The following SLC2A14 variants were observed in gnomAD, a reference collection of about 807,000 sequenced individuals.
SLC2A14 encodes the protein solute carrier family 2, facilitated glucose transporter member 14.
SLC2A14 carries 13 observed loss-of-function variants against 43.0 expected under a neutral mutation model. The ratio of observed to expected loss-of-function variants is 0.30; its 90% CI spans 0.20 to 0.48. The LOEUF (loss-of-function observed/expected upper bound fraction) is 0.48. Ranked by LOEUF, SLC2A14 falls within the 20% of genes least tolerant of loss-of-function variation. SLC2A14 has a pLI of 0.99. For missense variants in SLC2A14, 428 were observed against 620.4 expected, an observed-to-expected ratio of 0.69 and a Z score of 3.29; for synonymous variants, 190 against 233.8, an observed-to-expected ratio of 0.81 and a Z score of 1.71.
chr12:7,823,994 G>A (rs1425701236), intron 7 of SLC2A14, among the ~76,000 whole-genome samples: 1 of 152,100 alleles, frequency 6.6e-6, no homozygotes, highest in African/African-American at 2.4e-5. Flanking sequence ...AGTTGCTCAC[G>A]ACTGTAATCC....
intron 2 of SLC2A14, among the ~76,000 whole-genome samples, chr12:7,834,564 A>C (rs1592197999): frequency 2.1e-4 from 1 of 4,714 alleles, no homozygotes; most frequent in Non-Finnish European, 5.2e-3. Context: ...CTTCTCTATC[A>C]AAAAAAAAAA....
intron 5 of SLC2A14, among the ~76,000 whole-genome samples, chr12:7,829,420 C>T (rs1287753432): frequency 1.3e-5 from 2 of 151,660 alleles, no homozygotes; most frequent in South Asian, 2.1e-4. Flanking sequence ...ATTAGCTGGA[C>T]GTGGTGGTGC....
chr12:7,860,721 T>C (rs1944501358), intron 2 of SLC2A14: 1 of 152,896 alleles, frequency 6.5e-6, no homozygotes, highest in African/African-American at 2.4e-5. Context: ...CCTTCTGAGG[T>C]TGTTAAACAG....
At chr12:7,824,204 C>T (rs190185260) in intron 7 of SLC2A14, among the ~76,000 whole-genome samples, 25 of 151,974 alleles carry the variant, frequency 1.6e-4, no homozygotes, top group Admixed American at 1.6e-3. Context: ...TGCAGTGAGC[C>T]GAGATCGAGC....
chr12:7,836,021 C>G (rs753855749), intron 2 of SLC2A14, among the ~76,000 whole-genome samples: 5 of 152,146 alleles, frequency 3.3e-5, no homozygotes, highest in African/African-American at 9.7e-5. Context: ...AGCTCTCAGG[C>G]CTGTCCCACT....
At chr12:7,882,175 C>A (rs1379631871) in intron 1 of SLC2A14, among the ~76,000 whole-genome samples, 1 of 151,982 alleles carries the variant, frequency 6.6e-6, no homozygotes, top group Admixed American at 6.6e-5. Context: ...TAACACTCAC[C>A]GTGAAAGTCT....
At chr12:7,885,276 C>T (rs1350219697) in intron 1 of SLC2A14, among the ~76,000 whole-genome samples, 6 of 152,126 alleles carry the variant, frequency 3.9e-5, no homozygotes, top group African/African-American at 7.2e-5. Context: ...ACCAGCCTGG[C>T]CAACATGGCA....
chr12:7,818,485 AC>A (rs1284502416), intron 9 of SLC2A14, among the ~76,000 whole-genome samples: 1 of 152,030 alleles, frequency 6.6e-6, no homozygotes, highest in Admixed American at 6.6e-5. Context: ...ACATGGTGAA[AC>A]CCTGTCTCTA....
At chr12:7,824,361 CAATA>C (rs771991676) in intron 7 of SLC2A14, among the ~76,000 whole-genome samples, 124 of 152,200 alleles carry the variant, frequency 8.1e-4, no homozygotes, top group Middle Eastern at 3.4e-3. Context: ...TTTAAACAAG[CAATA>C]AATAGTTATC....
intron 2 of SLC2A14, among the ~76,000 whole-genome samples, chr12:7,862,003 G>A (rs1944590469): frequency 6.8e-6 from 1 of 146,006 alleles, no homozygotes; most frequent in Non-Finnish European, 1.5e-5. Context: ...TGGTGACTCA[G>A]GTCTGCAATC....
intron 1 of SLC2A14, among the ~76,000 whole-genome samples, chr12:7,883,266 T>TC (rs200209561): frequency 6.6e-4 from 27 of 40,938 alleles, no homozygotes; most frequent in Admixed American, 1.4e-3. Context: ...TTTCTTTCTT[T>TC]TTTTTTTTTT....
rs11055941 is a variant in SLC2A14 at position 7,814,250 on chromosome 12, A to G, written c.*66T>C. ...AGCAGTCCTGGGTTCATCCTGATAA[A>G]GTCTCTCCCTTGTTGAGGGAGAGGT... On this transcript the variant is annotated 3_prime_UTR_variant, in exon 11 of 11. Coordinates refer to ENST00000431042, the MANE Select transcript of SLC2A14 (RefSeq NM_001286234.2). The G allele has an allele frequency of 0.096, 128,566 of 1,337,666 alleles. 22,236 individuals are homozygous for G. Among genetic ancestry groups the G allele is most frequent in the Admixed American group, 0.18 (8,039 of 44,138 alleles). 82.9% of individuals were successfully genotyped at this position (1,337,666 alleles called of 1,614,324 possible). A position where few individuals can be genotyped will look rare whatever the true frequency, so the allele number is the denominator to read the frequency against.
intron 2 of SLC2A14, among the ~76,000 whole-genome samples, chr12:7,858,476 T>C (rs1360611091): frequency 1.3e-5 from 2 of 152,178 alleles, no homozygotes; most frequent in African/African-American, 4.8e-5. Context: ...TGGGTATCCT[T>C]TGAAACACAA....
At chr12:7,874,702 ATATAAATATG>A (rs1371427079), upstream of SLC2A14, among the ~76,000 whole-genome samples, 1 of 143,754 alleles carries the variant, frequency 7.0e-6, no homozygotes, top group Non-Finnish European at 1.5e-5. Context: ...ATATAAATAT[ATATAAATATG>A]TATATAAATA....
At chr12:7,887,450 C>T (rs1945705204) in intron 1 of SLC2A14, among the ~76,000 whole-genome samples, 1 of 151,924 alleles carries the variant, frequency 6.6e-6, no homozygotes, top group Non-Finnish European at 1.5e-5. Context: ...GTGAATGAAC[C>T]ATTCATACTC....
intron 8 of SLC2A14, 58 bp downstream of exon 8, chr12:7,821,163 G>C: frequency 7.6e-7 from 1 of 1,307,712 alleles, no homozygotes; most frequent in Non-Finnish European, 1.1e-6. Context: ...ATCCATCTTT[G>C]AACATCTGTA....
intron 2 of SLC2A14, among the ~76,000 whole-genome samples, chr12:7,842,357 G>A (rs1228296883): frequency 2.0e-5 from 3 of 152,176 alleles, no homozygotes; most frequent in Non-Finnish European, 4.4e-5. Flanking sequence ...TTTTCATGTA[G>A]ATGCATGATT....
upstream of SLC2A14, among the ~76,000 whole-genome samples, chr12:7,878,207 C>G (rs939428276): frequency 2.0e-5 from 3 of 151,980 alleles, no homozygotes; most frequent in African/African-American, 7.3e-5. Flanking sequence ...GCAGCCACCA[C>G]GCCTGGCTAA....
At chr12:7,839,909 G>A (rs1466387456) in intron 2 of SLC2A14, 37 of 363,634 alleles carry the variant, frequency 1.0e-4, no homozygotes, top group Non-Finnish European at 1.5e-4. Context: ...GCGACACAAG[G>A]AGACCCTGTC....
Sources: gnomAD v4.1 joint callset for allele counts (sites outside exome capture counted in the v4.1 genomes callset) on GRCh38, gnomAD v4.1.1 for gene constraint, MANE v1.5 for transcripts, NCBI Gene and HGNC (gene_info 2026-07-23, HGNC 2026-07-21) for gene names.